EYA1: variants seen among roughly 807,000 people sequenced by gnomAD.
EYA1 encodes the protein EYA transcriptional coactivator and phosphatase 1.
EYA1 carries 16 observed loss-of-function variants against 82.0 expected under a neutral mutation model. The ratio of observed to expected loss-of-function variants is 0.20; its 90% CI spans 0.13 to 0.30. EYA1 has a LOEUF of 0.30. Among genes scored for constraint, EYA1 ranks in the 10% least tolerant of loss-of-function variants. EYA1 has a pLI of 1.00. For synonymous variants in EYA1, 261 were observed against 264.4 expected (o/e 0.99, Z 0.12); for missense variants, 633 against 730.7 (o/e 0.87, Z 1.54).
At chr8:71,223,103 C>T (rs1804921741) in intron 12 of EYA1, among the ~76,000 whole-genome samples, 1 of 152,172 alleles carries the variant, frequency 6.6e-6, no homozygotes, top group African/African-American at 2.4e-5. Flanking sequence ...CGGGTCTCTG[C>T]CAGGCGTGGA....
intron 2 of EYA1, among the ~76,000 whole-genome samples, chr8:71,399,435 G>C (rs1156989136): frequency 6.6e-6 from 1 of 152,248 alleles, no homozygotes; most frequent in East Asian, 1.9e-4. Flanking sequence ...TCTCAAGTCT[G>C]TCTCTTCTAT....
chr8:71,270,382 G>A (rs1031391136), intron 10 of EYA1: 10 of 153,854 alleles, frequency 6.5e-5, no homozygotes, highest in African/African-American at 4.8e-5. Flanking sequence ...GGTTTTTTAA[G>A]TCTTTAGGGT....
chr8:71,325,001 G>A (rs1321505830), intron 4 of EYA1, among the ~76,000 whole-genome samples: 1 of 152,150 alleles, frequency 6.6e-6, no homozygotes, highest in Non-Finnish European at 1.5e-5. Context: ...TCAACACCAT[G>A]TTCTTTCTTA....
intron 17 of EYA1, among the ~76,000 whole-genome samples, chr8:71,199,760 A>C (rs775165311): frequency 2.4e-4 from 37 of 152,324 alleles, no homozygotes; most frequent in Non-Finnish European, 3.4e-4. Flanking sequence ...TGGGTTTTTC[A>C]TGCTGAAAGT....
intron 17 of EYA1, among the ~76,000 whole-genome samples, chr8:71,206,398 T>A (rs1807777024): frequency 6.6e-6 from 1 of 152,092 alleles, no homozygotes; most frequent in African/African-American, 2.4e-5. Flanking sequence ...ATTTTTGTAC[T>A]TTTTGTAGAG....
At chr8:71,373,471 G>C (rs1034028369) in intron 2 of EYA1, among the ~76,000 whole-genome samples, 7 of 152,030 alleles carry the variant, frequency 4.6e-5, no homozygotes, top group Non-Finnish European at 1.5e-5. Context: ...ATGAAACATT[G>C]ATGAAAGAAA....
At chr8:71,545,148 T>C (rs1187640791) in intron 1 of EYA1, among the ~76,000 whole-genome samples, 1 of 152,216 alleles carries the variant, frequency 6.6e-6, no homozygotes, top group Non-Finnish European at 1.5e-5. Context: ...TCTATAATCT[T>C]GGAAATATTA....
At chr8:71,408,646 A>T (rs1207434653) in intron 2 of EYA1, among the ~76,000 whole-genome samples, 3 of 92,358 alleles carry the variant, frequency 3.2e-5, no homozygotes, top group Non-Finnish European at 6.4e-5. Flanking sequence ...ATAATGGTAA[A>T]GGGATCAATT....
chr8:71,298,324 T>C (rs947124565), intron 9 of EYA1, among the ~76,000 whole-genome samples: 8 of 152,184 alleles, frequency 5.3e-5, no homozygotes, highest in Non-Finnish European at 7.4e-5. Context: ...AAAGGTATGA[T>C]TAACTCTTTA....
chr8:71,342,764 C>T (rs72654177), intron 3 of EYA1, among the ~76,000 whole-genome samples: 6,709 of 152,208 alleles, frequency 0.044, 197 homozygotes, highest in Non-Finnish European at 0.062. Context: ...TACTTGCTCT[C>T]CAACTACTGA....
At position 71,310,358 on chromosome 8, in the gene EYA1, C is replaced by G. The variant is rs577882691; in HGVS notation, c.556+7194G>C. Among the ~76,000 whole-genome samples the G allele has an allele frequency of 3.9e-5, 6 of 152,198 alleles. No individual in the cohort carries two copies. The South Asian group carries it at 1.2e-3, about 32-fold the overall frequency. ...TTTGGTGTACAGATTATTTCATCACCCAGGTATTAAGCCTAGTACACATTA... is the reference window on the plus strand; with the variant it reads ...TTTGGTGTACAGATTATTTCATCACGCAGGTATTAAGCCTAGTACACATTA... On this transcript the variant is annotated intron_variant, in intron 7 of 17. Coordinates refer to ENST00000340726, the MANE Select transcript of EYA1 (RefSeq NM_000503.6).
intron 2 of EYA1, among the ~76,000 whole-genome samples, chr8:71,367,536 C>T (rs1472169683): frequency 1.4e-5 from 2 of 142,122 alleles, no homozygotes; most frequent in Non-Finnish European, 3.0e-5. Context: ...TTTTCTTCCT[C>T]CAGTCTCCCA....
intron 9 of EYA1, among the ~76,000 whole-genome samples, chr8:71,277,677 T>A (rs1817359641): frequency 1.3e-5 from 2 of 152,234 alleles, no homozygotes; most frequent in Admixed American, 1.3e-4. Flanking sequence ...ATGTCCATCA[T>A]TCCCACTCTG....
Position 71,292,194 on chromosome 8 carries a change from A to C in EYA1, c.826+6853T>G, listed in dbSNP as rs552047106. ...AGTTAGATTAGTAGTAATATGACTTAAGCTTTTACGATCAGTACAAGATGA... is the reference window on the plus strand; with the variant it reads ...AGTTAGATTAGTAGTAATATGACTTCAGCTTTTACGATCAGTACAAGATGA... On this transcript the variant is annotated intron_variant, in intron 9 of 17. Coordinates refer to ENST00000340726, the MANE Select transcript of EYA1 (RefSeq NM_000503.6). 5.9e-5 allele frequency among the ~76,000 whole-genome samples: 9 copies of C among 152,250 alleles called. No homozygotes were observed. In the South Asian group the frequency reaches 1.9e-3, roughly 32 times the overall value.
intron 2 of EYA1, among the ~76,000 whole-genome samples, chr8:71,417,838 C>T (rs1182560281): frequency 6.6e-6 from 1 of 152,198 alleles, no homozygotes; most frequent in African/African-American, 2.4e-5. Flanking sequence ...CTAGAGATAA[C>T]TCAAATTCCA....
chr8:71,213,899 T>A (rs557684819), intron 16 of EYA1, among the ~76,000 whole-genome samples: 107 of 152,344 alleles, frequency 7.0e-4, no homozygotes, highest in African/African-American at 2.5e-3. Flanking sequence ...TCTACATTTA[T>A]TGATACCTAC....
intron 7 of EYA1, among the ~76,000 whole-genome samples, chr8:71,311,956 G>A (rs1205899415): frequency 6.6e-6 from 1 of 152,194 alleles, no homozygotes; most frequent in Non-Finnish European, 1.5e-5. Context: ...GAAAGTTGGA[G>A]CTGAAAGGGT....
intron 2 of EYA1, among the ~76,000 whole-genome samples, chr8:71,486,389 C>T (rs190385011): frequency 7.2e-5 from 11 of 152,294 alleles, no homozygotes; most frequent in African/African-American, 1.7e-4. Flanking sequence ...CATTCGTTTC[C>T]CCTCATGCTC....
intron 2 of EYA1, among the ~76,000 whole-genome samples, chr8:71,481,579 G>A (rs1284808113): frequency 1.3e-5 from 2 of 152,130 alleles, no homozygotes; most frequent in Non-Finnish European, 2.9e-5. Context: ...GAAAACAAAC[G>A]AGATTGCTTT....
Sources: gnomAD v4.1 joint callset for allele counts (sites outside exome capture counted in the v4.1 genomes callset) on GRCh38, gnomAD v4.1.1 for gene constraint, MANE v1.5 for transcripts, NCBI Gene and HGNC (gene_info 2026-07-23, HGNC 2026-07-21) for gene names.